AGMO: variants seen among roughly 807,000 people sequenced by gnomAD.
AGMO encodes alkylglycerol monooxygenase.
In AGMO, 75 loss-of-function variants were observed where a neutral mutation model predicts 60.2. The ratio of observed to expected loss-of-function variants is 1.25; its 90% CI spans 1.03 to 1.51. The LOEUF (loss-of-function observed/expected upper bound fraction) is 1.51, where lower values mean the gene tolerates loss of function less well. Ranked by LOEUF, AGMO falls within the 40% of genes most tolerant of loss-of-function variation. The probability of loss-of-function intolerance (pLI) is 0.00; values close to 1 mark genes in which losing one functional copy is unlikely to be tolerated. For missense variants in AGMO, 763 were observed against 525.5 expected (o/e 1.45, Z -4.42); for synonymous variants, 261 against 177.1 (o/e 1.47, Z -3.76).
chr7:15,552,743 C>A (rs1223271505), intron 2 of AGMO, among the ~76,000 whole-genome samples: 1 of 149,312 alleles, frequency 6.7e-6, no homozygotes, highest in East Asian at 2.0e-4. Flanking sequence ...CTAGTTCAAC[C>A]ATTGTGGAAG....
chr7:15,460,399 T>G (rs904828971), intron 3 of AGMO, among the ~76,000 whole-genome samples: 1 of 152,152 alleles, frequency 6.6e-6, no homozygotes, highest in African/African-American at 2.4e-5. Context: ...TCCATACTTT[T>G]AAATTTTTCA....
intron 12 of AGMO, among the ~76,000 whole-genome samples, chr7:15,208,248 G>C (rs756766453): frequency 2.6e-5 from 4 of 152,106 alleles, no homozygotes; most frequent in Non-Finnish European, 1.5e-5. Context: ...CATAGAGAGA[G>C]GGTTGCAATA....
intron 12 of AGMO, among the ~76,000 whole-genome samples, chr7:15,208,129 A>G (rs1303981177): frequency 6.6e-6 from 1 of 152,168 alleles, no homozygotes; most frequent in Non-Finnish European, 1.5e-5. Flanking sequence ...GCCTTGTTTA[A>G]ATTGAAGCTT....
At chr7:15,309,826 TAA>T (rs1780717911) in intron 12 of AGMO, among the ~76,000 whole-genome samples, 1 of 152,178 alleles carries the variant, frequency 6.6e-6, no homozygotes, top group Non-Finnish European at 1.5e-5. Flanking sequence ...TGCCATTTAA[TAA>T]ACATTGTTCC....
chr7:15,311,752 C>T (rs916380692), intron 12 of AGMO, among the ~76,000 whole-genome samples: 4 of 152,080 alleles, frequency 2.6e-5, no homozygotes, highest in African/African-American at 9.7e-5. Context: ...TGAGAACACA[C>T]ACAAACAGTG....
intron 12 of AGMO, among the ~76,000 whole-genome samples, chr7:15,263,928 G>A (rs2128510554): frequency 6.6e-6 from 1 of 152,058 alleles, no homozygotes; most frequent in Admixed American, 6.6e-5. Context: ...GGTGGGGCGT[G>A]GTGAGGGATA....
downstream of AGMO, among the ~76,000 whole-genome samples, chr7:15,199,285 T>C (rs1221638618): frequency 1.3e-5 from 2 of 152,142 alleles, no homozygotes; most frequent in Non-Finnish European, 2.9e-5. Context: ...AGAAAACCAT[T>C]CACAATCACA....
At chr7:15,125,512 C>G in the AGMO span, among the ~76,000 whole-genome samples, 1 of 152,118 alleles carries the variant, frequency 6.6e-6, no homozygotes, top group Non-Finnish European at 1.5e-5. Flanking sequence ...TCTGCCTCAT[C>G]TACAGAATGC....
intron 3 of AGMO, among the ~76,000 whole-genome samples, chr7:15,499,388 C>T (rs1201756780): frequency 2.6e-5 from 4 of 151,904 alleles, no homozygotes; most frequent in Non-Finnish European, 4.4e-5. Flanking sequence ...TAACATACTT[C>T]ATCATTACTC....
intron 8 of AGMO, 104 bp downstream of exon 8, chr7:15,390,567 G>C: frequency 1.2e-6 from 1 of 830,464 alleles, no homozygotes; most frequent in Non-Finnish European, 1.8e-6. Context: ...AATTTTTTCA[G>C]GTTAGTGTAA....
the AGMO span, among the ~76,000 whole-genome samples, chr7:15,161,533 C>G: frequency 6.6e-6 from 1 of 150,768 alleles, no homozygotes; most frequent in African/African-American, 2.4e-5. Flanking sequence ...ATATATGGAT[C>G]ATATATGCAT....
At chr7:15,206,233 T>A (rs565197497) in intron 12 of AGMO, among the ~76,000 whole-genome samples, 3 of 152,180 alleles carry the variant, frequency 2.0e-5, no homozygotes, top group Non-Finnish European at 4.4e-5. Context: ...ACATCAGAAA[T>A]ACATTAGATA....
At chr7:15,437,714 G>C (rs1781439788) in intron 3 of AGMO, among the ~76,000 whole-genome samples, 1 of 151,824 alleles carries the variant, frequency 6.6e-6, no homozygotes, top group South Asian at 2.1e-4. Context: ...TTTTGTTTTT[G>C]TATTTTTAGT....
At chr7:15,483,598 C>A (rs1337472096) in intron 3 of AGMO, among the ~76,000 whole-genome samples, 35 of 147,962 alleles carry the variant, frequency 2.4e-4, no homozygotes, top group Admixed American at 4.0e-4. Context: ...AACAAACAAA[C>A]AAAAAACCAT....
At chr7:15,118,242 A>C in the AGMO span, among the ~76,000 whole-genome samples, 1 of 151,740 alleles carries the variant, frequency 6.6e-6, no homozygotes, top group African/African-American at 2.4e-5. Context: ...TTCAGATAGA[A>C]CATCCAAAAT....
intron 3 of AGMO, among the ~76,000 whole-genome samples, chr7:15,459,945 C>T (rs1000895769): frequency 1.3e-5 from 2 of 151,940 alleles, no homozygotes; most frequent in Admixed American, 1.3e-4. Context: ...TAAGAATTAT[C>T]ATTCATTGAT....
chr7:15,345,739 T>G (rs560632513), intron 12 of AGMO, among the ~76,000 whole-genome samples: 12 of 152,290 alleles, frequency 7.9e-5, no homozygotes, highest in African/African-American at 2.6e-4. Flanking sequence ...GGAGTCAACA[T>G]TATTATCTGC....
At chr7:15,497,568 C>T (rs1189144721) in intron 3 of AGMO, among the ~76,000 whole-genome samples, 3 of 152,000 alleles carry the variant, frequency 2.0e-5, no homozygotes, top group Admixed American at 6.6e-5. Context: ...AGAATACCTC[C>T]TTGCTTAACA....
At chr7:15,169,706 G>A in the AGMO span, among the ~76,000 whole-genome samples, 9 of 152,132 alleles carry the variant, frequency 5.9e-5, no homozygotes, top group Admixed American at 3.3e-4. Flanking sequence ...CAAAGTGCTG[G>A]GGTTACAGGC....
Sources: gnomAD v4.1 joint callset for allele counts (sites outside exome capture counted in the v4.1 genomes callset) on GRCh38, gnomAD v4.1.1 for gene constraint, MANE v1.5 for transcripts, NCBI Gene and HGNC (gene_info 2026-07-23, HGNC 2026-07-21) for gene names.